The following MND1 variants were observed in gnomAD, a reference collection of about 807,000 sequenced individuals.
MND1 encodes meiotic nuclear divisions 1.
MND1 carries 28 observed loss-of-function variants against 35.1 expected under a neutral mutation model. The ratio of observed to expected loss-of-function variants is 0.80; its 90% CI spans 0.59 to 1.09. The LOEUF (loss-of-function observed/expected upper bound fraction) is 1.09, where lower values mean the gene tolerates loss of function less well. Among genes scored for constraint, MND1 ranks in the 50% least tolerant of loss-of-function variants. The pLI is 0.00. For missense variants in MND1, 213 were observed against 239.6 expected (o/e 0.89, Z 0.73); for synonymous variants, 69 against 70.5 (o/e 0.98, Z 0.11).
At chr4:153,410,720 G>A (rs759206723) in intron 7 of MND1, among the ~76,000 whole-genome samples, 1 of 152,176 alleles carries the variant, frequency 6.6e-6, no homozygotes, top group Non-Finnish European at 1.5e-5. Flanking sequence ...GCCGGGCGTG[G>A]TGGCTCATGC....
At chr4:153,353,414 T>C (rs1220385290) in intron 2 of MND1, among the ~76,000 whole-genome samples, 4 of 62,288 alleles carry the variant, frequency 6.4e-5, no homozygotes, top group Non-Finnish European at 1.0e-4. Context: ...CATATATATA[T>C]ATATATATAT....
chr4:153,354,351 G>T (rs1393097889), intron 2 of MND1, among the ~76,000 whole-genome samples: 1 of 152,154 alleles, frequency 6.6e-6, no homozygotes, highest in Non-Finnish European at 1.5e-5. Flanking sequence ...TTCGCTTTTA[G>T]TTAGAACTGC....
chr4:153,376,809 A>G (rs1437711897), intron 4 of MND1, among the ~76,000 whole-genome samples: 1 of 152,100 alleles, frequency 6.6e-6, no homozygotes, highest in African/African-American at 2.4e-5. Flanking sequence ...CTGCTGGACT[A>G]TGCTACAATT....
intron 4 of MND1, among the ~76,000 whole-genome samples, chr4:153,372,732 C>T (rs987069275): frequency 6.6e-6 from 1 of 152,162 alleles, no homozygotes; most frequent in Non-Finnish European, 1.5e-5. Context: ...TACTTTCCCC[C>T]ACCCCCAGCT....
intron 7 of MND1, among the ~76,000 whole-genome samples, chr4:153,410,860 G>A (rs974644503): frequency 1.3e-5 from 2 of 151,986 alleles, no homozygotes; most frequent in Admixed American, 1.3e-4. Context: ...GCATGGTGGC[G>A]CACACCTGTA....
intron 4 of MND1, among the ~76,000 whole-genome samples, chr4:153,362,206 T>C (rs899305492): frequency 3.9e-5 from 6 of 152,232 alleles, no homozygotes; most frequent in Non-Finnish European, 8.8e-5. Context: ...TTCATCTCTT[T>C]TATAACTTTA....
chr4:153,352,040 T>TA (rs112400878), intron 2 of MND1, among the ~76,000 whole-genome samples: 23,899 of 152,126 alleles, frequency 0.16, 2,208 homozygotes, highest in African/African-American at 0.26. Flanking sequence ...GGAAACCTTT[T>TA]AAAAACACAG....
chr4:153,347,037 T>C (rs2149626600), intron 1 of MND1, among the ~76,000 whole-genome samples: 1 of 152,286 alleles, frequency 6.6e-6, no homozygotes, highest in African/African-American at 2.4e-5. Context: ...ATTTAAAAAA[T>C]ATGTTGCCCA....
chr4:153,367,765 C>T (rs1773692608), intron 4 of MND1, among the ~76,000 whole-genome samples: 1 of 152,200 alleles, frequency 6.6e-6, no homozygotes, highest in Admixed American at 6.5e-5. Flanking sequence ...AACTGCCAGA[C>T]TGTTTGCCAG....
At chr4:153,413,795 T>C (rs1015401897) in intron 7 of MND1, among the ~76,000 whole-genome samples, 3 of 152,060 alleles carry the variant, frequency 2.0e-5, no homozygotes, top group African/African-American at 7.2e-5. Flanking sequence ...TCCTGATGAG[T>C]AGACATTTAG....
chr4:153,355,756 G>T, intron 3 of MND1, 45 bp downstream of exon 3: 1 of 1,168,458 alleles, frequency 8.6e-7, no homozygotes, highest in Non-Finnish European at 1.3e-6. Context: ...AATATACTGG[G>T]ATGTTTTGGG....
chr4:153,387,224 C>T (rs1728893825), intron 4 of MND1, among the ~76,000 whole-genome samples: 1 of 152,030 alleles, frequency 6.6e-6, no homozygotes, highest in Non-Finnish European at 1.5e-5. Context: ...TTCCTTCTAG[C>T]TTTTAAAAAA....
intron 4 of MND1, chr4:153,361,532 T>A (rs1561058874): frequency 2.2e-6 from 1 of 456,250 alleles, no homozygotes; most frequent in Non-Finnish European, 4.4e-6. Flanking sequence ...ATGAAATAAT[T>A]AAAGTCTCCT....
At position 153,408,958 on chromosome 4, in the gene MND1, A is replaced by ATATATATAAATACATTTCAGTTTAT; in HGVS notation, c.467-13_467-12insTATATATAAATACATTTCAGTTTAT. ...TAAATACATTTCATTTTATATATAT[A>ATATATATAAATACATTTCAGTTTAT]ATTTTTTTTCAGGCCAAGCAAATAA... is the stretch of plus-strand genomic sequence containing the variant. On this transcript the variant is annotated splice_polypyrimidine_tract_variant and intron_variant, in intron 6 of 7. Transcript: ENST00000240488. 8.4e-7 allele frequency: 1 copy of ATATATATAAATACATTTCAGTTTAT among 1,192,350 alleles called. No individual in the cohort carries two copies. 73.9% of individuals were successfully genotyped at this position (1,192,350 alleles called of 1,614,324 possible). A position where few individuals can be genotyped will look rare whatever the true frequency, so the allele number is the denominator to read the frequency against.
At chr4:153,381,089 C>G (rs1728667812) in intron 4 of MND1, among the ~76,000 whole-genome samples, 1 of 152,012 alleles carries the variant, frequency 6.6e-6, no homozygotes, top group Non-Finnish European at 1.5e-5. Context: ...TTAGTAGAGA[C>G]AGGGTTTCAA....
rs561391335 is a variant in MND1 at position 153,404,426 on chromosome 4, C to T, written c.467-4545C>T. On this transcript the variant is annotated intron_variant, in intron 6 of 7. Coordinates refer to ENST00000240488, the MANE Select transcript of MND1 (RefSeq NM_032117.4). ...CAGGATGGTCTCGATCTCTTGACTTCGTGATCTGCCCGCCTCAGCCTCGCA... is the reference window on the plus strand; with the variant it reads ...CAGGATGGTCTCGATCTCTTGACTTTGTGATCTGCCCGCCTCAGCCTCGCA... Among the ~76,000 whole-genome samples the T allele has an allele frequency of 4.4e-4, 65 of 148,628 alleles. No individual in the cohort carries two copies. The South Asian group carries it at 0.013, about 30-fold the overall frequency.
At chr4:153,391,363 A>G (rs1052793199) in intron 4 of MND1, among the ~76,000 whole-genome samples, 3 of 151,928 alleles carry the variant, frequency 2.0e-5, no homozygotes, top group South Asian at 2.1e-4. Flanking sequence ...GGGTTTCCCC[A>G]TGTTGGTCAG....
intron 4 of MND1, among the ~76,000 whole-genome samples, chr4:153,381,259 G>T (rs541348183): frequency 6.6e-6 from 1 of 151,986 alleles, no homozygotes; most frequent in African/African-American, 2.4e-5. Flanking sequence ...TTTGGGCTGG[G>T]CTTCCAAACC....
chr4:153,399,889 GA>G (rs1729297899), intron 6 of MND1, among the ~76,000 whole-genome samples: 8 of 123,680 alleles, frequency 6.5e-5, no homozygotes, highest in African/African-American at 2.0e-4. Flanking sequence ...TTTTCAGTGA[GA>G]TTTTTTTTTT....
Sources: gnomAD v4.1 joint callset for allele counts (sites outside exome capture counted in the v4.1 genomes callset) on GRCh38, gnomAD v4.1.1 for gene constraint, MANE v1.5 for transcripts, NCBI Gene and HGNC (gene_info 2026-07-23, HGNC 2026-07-21) for gene names.